The following WBP1L variants were observed in gnomAD, a reference collection of about 807,000 sequenced individuals.
WBP1L encodes the protein WW domain binding protein 1-like.
Under a neutral mutation model 33.7 loss-of-function variants are expected in WBP1L, and 17 were observed. That is an observed-to-expected ratio of 0.50 (90% CI 0.34 to 0.76). WBP1L has a LOEUF of 0.76. Ranked by LOEUF, WBP1L falls within the 30% of genes least tolerant of loss-of-function variation. The pLI, the probability that WBP1L is intolerant of heterozygous loss-of-function variation, is 0.01. For synonymous variants in WBP1L, 173 were observed against 190.8 expected, an observed-to-expected ratio of 0.91 and a Z score of 0.77; for missense variants, 389 against 469.4, an observed-to-expected ratio of 0.83 and a Z score of 1.58.
chr10:102,776,306 G>T, intron 1 of WBP1L: 1 of 1,612,794 alleles, frequency 6.2e-7, no homozygotes. Context: ...GCACACACAG[G>T]CCCACCAGGG....
At chr10:102,790,023 C>G (rs974198812) in intron 1 of WBP1L, among the ~76,000 whole-genome samples, 1 of 152,162 alleles carries the variant, frequency 6.6e-6, no homozygotes, top group African/African-American at 2.4e-5. Context: ...TAGGCATGAG[C>G]CACCACGCCC....
chr10:102,788,190 G>A (rs992502695), intron 1 of WBP1L, among the ~76,000 whole-genome samples: 3 of 135,864 alleles, frequency 2.2e-5, no homozygotes, highest in Non-Finnish European at 4.6e-5. Flanking sequence ...GTGCAGTGGT[G>A]CGATCTCGGC....
At chr10:102,789,040 A>G (rs1053115814) in intron 1 of WBP1L, among the ~76,000 whole-genome samples, 9 of 151,928 alleles carry the variant, frequency 5.9e-5, no homozygotes, top group African/African-American at 1.7e-4. Context: ...GTTTGCTGCA[A>G]CCTCCACCGC....
chr10:102,804,302 C>T (rs10786711), intron 2 of WBP1L, among the ~76,000 whole-genome samples: 77,288 of 147,628 alleles, frequency 0.52, 21,103 homozygotes, highest in Middle Eastern at 0.63. Context: ...GCAGGAGATT[C>T]GTTTGAACCC....
intron 1 of WBP1L, among the ~76,000 whole-genome samples, chr10:102,769,334 T>C (rs1236843036): frequency 2.0e-5 from 3 of 151,490 alleles, no homozygotes; most frequent in Non-Finnish European, 4.4e-5. Context: ...CTCAACAGCA[T>C]CCCTTCTTTG....
chr10:102,745,343 C>T lies in WBP1L; in HGVS notation c.90+1200C>T, dbSNP rs1386516767. On this transcript the variant is annotated intron_variant, in intron 1 of 3. Coordinates refer to ENST00000448841, the MANE Select transcript of WBP1L (RefSeq NM_001083913.2). ...ATGACAAAAACCATTTTAAAGTGAACAATTCAGTGGCATTTAGTACACTTA... is the reference window on the plus strand; with the variant it reads ...ATGACAAAAACCATTTTAAAGTGAATAATTCAGTGGCATTTAGTACACTTA... 2.0e-5 allele frequency among the ~76,000 whole-genome samples: 3 copies of T among 152,146 alleles called. No individual in the cohort carries two copies. The South Asian group carries it at 6.2e-4, about 31-fold the overall frequency.
intron 1 of WBP1L, among the ~76,000 whole-genome samples, chr10:102,747,626 A>G (rs1842879045): frequency 6.6e-6 from 1 of 152,132 alleles, no homozygotes; most frequent in Non-Finnish European, 1.5e-5. Context: ...TCCCAGGCTC[A>G]AACGAGCCTC....
chr10:102,782,214 C>CTTTTTTTTTTTTT (rs397961661), intron 1 of WBP1L, among the ~76,000 whole-genome samples: 2 of 49,166 alleles, frequency 4.1e-5, no homozygotes, highest in African/African-American at 9.4e-5. Flanking sequence ...AAAGAAGCTG[C>CTTTTTTTTTTTTT]TTTTTTTTTT....
In WBP1L at chr10:102,807,295, T is replaced by TAGAGGTAAACAA. The variant is rs59504952; in HGVS notation, c.194-2595_194-2594insGGTAAACAAAGA. On this transcript the variant is annotated intron_variant, in intron 2 of 3. Coordinates refer to ENST00000448841, the MANE Select transcript of WBP1L (RefSeq NM_001083913.2). ...TGTCCATCTTAGAAAAATTAGGAAA[T>TAGAGGTAAACAA]AGAACAAAGGAGCAGGTACTGTCTG... Among the ~76,000 whole-genome samples, 9 of 151,858 alleles carry TAGAGGTAAACAA rather than the reference T, an allele frequency of 5.9e-5. No individual in the cohort carries two copies. In the East Asian group the frequency reaches 7.7e-4, roughly 13 times the overall value.
At chr10:102,750,388 C>A (rs1392807718) in intron 1 of WBP1L, among the ~76,000 whole-genome samples, 1 of 151,494 alleles carries the variant, frequency 6.6e-6, no homozygotes, top group Non-Finnish European at 1.5e-5. Flanking sequence ...GAGTGAGACC[C>A]TGTCTCAAAA....
At chr10:102,777,630 C>G (rs1306490557) in intron 1 of WBP1L, among the ~76,000 whole-genome samples, 1 of 117,214 alleles carries the variant, frequency 8.5e-6, no homozygotes, top group East Asian at 3.1e-4. Context: ...AGTGTAGTGG[C>G]GTTAGCTCAC....
At position 102,781,065 on chromosome 10, in the gene WBP1L, C is replaced by A. The variant is rs191454360; in HGVS notation, c.91-16928C>A. Reference sequence around the variant, plus strand: ...TTGTCATGGAAAGAGGCACAGGGGGCAACTCCTGGCCCAAGGGGCTGTTTG... The same window carrying A: ...TTGTCATGGAAAGAGGCACAGGGGGAAACTCCTGGCCCAAGGGGCTGTTTG... On this transcript the variant is annotated intron_variant, in intron 1 of 3. Coordinates refer to ENST00000448841, the MANE Select transcript of WBP1L (RefSeq NM_001083913.2). Among the ~76,000 whole-genome samples the A allele has an allele frequency of 7.9e-3, 1,198 of 152,324 alleles. 9 individuals carry two copies. Among genetic ancestry groups the A allele is most frequent in the Non-Finnish European group, 0.014 (932 of 68,022 alleles).
intron 1 of WBP1L, among the ~76,000 whole-genome samples, 163 bp from the exon 2 acceptor site, chr10:102,797,830 T>G (rs1564766888): frequency 6.6e-6 from 1 of 152,036 alleles, no homozygotes; most frequent in Non-Finnish European, 1.5e-5. Flanking sequence ...GCAATACAGG[T>G]GTGAGCCACC....
intron 1 of WBP1L, among the ~76,000 whole-genome samples, chr10:102,785,369 A>T (rs1027293206): frequency 6.7e-6 from 1 of 150,064 alleles, no homozygotes; most frequent in African/African-American, 2.5e-5. Context: ...TTGTATTTTT[A>T]GTAGGGATGG....
chr10:102,802,366 A>G (rs1294595575), intron 2 of WBP1L, among the ~76,000 whole-genome samples: 3 of 149,534 alleles, frequency 2.0e-5, no homozygotes, highest in African/African-American at 7.4e-5. Context: ...TTCGTTTTTT[A>G]CCTGCCGTTT....
At chr10:102,797,088 T>C (rs1564766503) in intron 1 of WBP1L, among the ~76,000 whole-genome samples, 1 of 152,198 alleles carries the variant, frequency 6.6e-6, no homozygotes, top group Non-Finnish European at 1.5e-5. Context: ...AGATTGAAAT[T>C]AGACTGGGTT....
At chr10:102,802,283 G>C (rs1345439801) in intron 2 of WBP1L, among the ~76,000 whole-genome samples, 1 of 149,374 alleles carries the variant, frequency 6.7e-6, no homozygotes, top group South Asian at 2.1e-4. Flanking sequence ...CTGGGACTAT[G>C]AGTATGTGCC....
intron 1 of WBP1L, among the ~76,000 whole-genome samples, chr10:102,747,031 T>A (rs1842871651): frequency 6.6e-6 from 1 of 152,164 alleles, no homozygotes; most frequent in Non-Finnish European, 1.5e-5. Context: ...CTACAGGTTA[T>A]GACATTACAA....
chr10:102,747,111 C>G (rs945208798), intron 1 of WBP1L, among the ~76,000 whole-genome samples: 2 of 152,150 alleles, frequency 1.3e-5, no homozygotes, highest in Non-Finnish European at 2.9e-5. Flanking sequence ...CCCCTGTAAT[C>G]CCAGCACTTT....
Sources: gnomAD v4.1 joint callset for allele counts (sites outside exome capture counted in the v4.1 genomes callset) on GRCh38, gnomAD v4.1.1 for gene constraint, MANE v1.5 for transcripts, NCBI Gene and HGNC (gene_info 2026-07-23, HGNC 2026-07-21) for gene names.